The following SEMA3E variants were observed in gnomAD, a reference collection of about 807,000 sequenced individuals.
The protein encoded by SEMA3E is semaphorin-3E.
In SEMA3E, 49 loss-of-function variants were observed where a neutral mutation model predicts 93.6. The observed-to-expected ratio is 0.52, with a 90% CI of 0.42 to 0.66. The LOEUF is 0.66. Among genes scored for constraint, SEMA3E ranks in the 30% least tolerant of loss-of-function variants. The probability of loss-of-function intolerance (pLI) is 0.00; values close to 1 mark genes in which losing one functional copy is unlikely to be tolerated. For synonymous variants in SEMA3E, 363 were observed against 330.7 expected (o/e 1.10, Z -1.06); for missense variants, 906 against 964.8 (o/e 0.94, Z 0.81).
intron 1 of SEMA3E, among the ~76,000 whole-genome samples, chr7:83,591,898 A>G (rs1013341790): frequency 6.6e-6 from 1 of 152,016 alleles, no homozygotes; most frequent in Non-Finnish European, 1.5e-5. Context: ...ATTCACATCA[A>G]TTTTTCTATA....
chr7:83,477,959 T>G lies in SEMA3E; in HGVS notation c.277-8657A>C, dbSNP rs1380133957. Among the ~76,000 whole-genome samples, 5 of 151,914 alleles carry G rather than the reference T, an allele frequency of 3.3e-5. No homozygotes were observed. In the South Asian group the frequency reaches 1.0e-3, roughly 32 times the overall value. Reference sequence around the variant, plus strand: ...TTTTGAGACGGAGTTTCACTCTTATTGCTCAGGCTGGAGTGCAATGGCACA... The same window carrying G: ...TTTTGAGACGGAGTTTCACTCTTATGGCTCAGGCTGGAGTGCAATGGCACA... On this transcript the variant is annotated intron_variant, in intron 2 of 16. Transcript: ENST00000643230.
At chr7:83,386,125 T>G (rs907794280) in intron 15 of SEMA3E, among the ~76,000 whole-genome samples, 1 of 152,098 alleles carries the variant, frequency 6.6e-6, no homozygotes, top group African/African-American at 2.4e-5. Flanking sequence ...TTCCTATGCC[T>G]GAATCCTACT....
intron 2 of SEMA3E, among the ~76,000 whole-genome samples, chr7:83,481,150 A>T (rs1790137622): frequency 6.6e-6 from 1 of 152,150 alleles, no homozygotes; most frequent in Non-Finnish European, 1.5e-5. Context: ...TAAGAGACAA[A>T]TGCAGATGTG....
chr7:83,635,056 T>C (rs550388665), intron 1 of SEMA3E, among the ~76,000 whole-genome samples: 200 of 152,108 alleles, frequency 1.3e-3, no homozygotes, highest in Non-Finnish European at 2.4e-3. Flanking sequence ...AATATTCTAG[T>C]ACTCATTCTA....
At chr7:83,614,634 G>GTA (rs1193595801) in intron 1 of SEMA3E, among the ~76,000 whole-genome samples, 2 of 149,200 alleles carry the variant, frequency 1.3e-5, no homozygotes, top group African/African-American at 5.2e-5. Context: ...TCCAAAGTAG[G>GTA]TGTTCAAATG....
chr7:83,500,777 G>A (rs1790583429), intron 1 of SEMA3E, among the ~76,000 whole-genome samples: 1 of 151,842 alleles, frequency 6.6e-6, no homozygotes, highest in African/African-American at 2.4e-5. Flanking sequence ...ATTTGGTAGA[G>A]ATGGGGTTTC....
At chr7:83,625,459 C>T (rs1793651035) in intron 1 of SEMA3E, among the ~76,000 whole-genome samples, 1 of 152,014 alleles carries the variant, frequency 6.6e-6, no homozygotes, top group African/African-American at 2.4e-5. Flanking sequence ...AAGCTGTATT[C>T]CTATGTATTC....
chr7:83,455,739 A>C (rs899757835), intron 4 of SEMA3E, among the ~76,000 whole-genome samples: 7 of 152,238 alleles, frequency 4.6e-5, no homozygotes, highest in Admixed American at 3.9e-4. Context: ...CTGCTGGTCT[A>C]GAAGAAGTAT....
intron 1 of SEMA3E, among the ~76,000 whole-genome samples, chr7:83,610,836 G>A (rs903619312): frequency 2.0e-5 from 3 of 151,976 alleles, no homozygotes; most frequent in African/African-American, 7.2e-5. Flanking sequence ...CTAGATCTCA[G>A]GCTTACAGCC....
At chr7:83,415,012 TAA>T (rs1481186319) in intron 5 of SEMA3E, among the ~76,000 whole-genome samples, 1 of 152,034 alleles carries the variant, frequency 6.6e-6, no homozygotes, top group Non-Finnish European at 1.5e-5. Context: ...ATATAACTGA[TAA>T]AAAGAGTCAG....
At chr7:83,385,254 A>G in intron 16 of SEMA3E, 40 bp downstream of exon 16, 1 of 1,608,514 alleles carries the variant, frequency 6.2e-7, no homozygotes, top group Non-Finnish European at 8.5e-7. Context: ...CACACACTAT[A>G]TGCAAAATAC....
At chr7:83,536,711 G>A (rs1791416986) in intron 1 of SEMA3E, among the ~76,000 whole-genome samples, 1 of 152,016 alleles carries the variant, frequency 6.6e-6, no homozygotes, top group Non-Finnish European at 1.5e-5. Flanking sequence ...ACATAAAACA[G>A]CATTCTTAAT....
rs768939741 is a variant in SEMA3E, at chr7:83,379,543, T to C, written c.1875+5751A>G. ...TTTTCTACTTTTACTTTCTCTTTTT[T>C]AGTTTGTCTTCTAACTTTTCCTTAA... On this transcript the variant is annotated intron_variant, in intron 16 of 16. Coordinates refer to ENST00000643230, the MANE Select transcript of SEMA3E (RefSeq NM_012431.3). 1.9e-4 allele frequency among the ~76,000 whole-genome samples: 29 copies of C among 152,074 alleles called. No homozygotes were observed. In the South Asian group the frequency reaches 2.1e-3, roughly 11 times the overall value.
intron 14 of SEMA3E, among the ~76,000 whole-genome samples, chr7:83,388,320 A>T (rs993837309): frequency 3.8e-5 from 2 of 52,796 alleles, no homozygotes; most frequent in Non-Finnish European, 1.7e-4. Flanking sequence ...AAAATAAAAA[A>T]ATAAAAAAAA....
At chr7:83,483,966 C>T (rs1790200175) in intron 2 of SEMA3E, among the ~76,000 whole-genome samples, 1 of 152,218 alleles carries the variant, frequency 6.6e-6, no homozygotes, top group African/African-American at 2.4e-5. Flanking sequence ...AATACTTGGA[C>T]TCATACATCA....
chr7:83,407,070 C>A (rs757460362), intron 7 of SEMA3E, 27 bp downstream of exon 7: 1 of 1,612,596 alleles, frequency 6.2e-7, no homozygotes, highest in Admixed American at 1.7e-5. Flanking sequence ...GTGAGATAAG[C>A]AAGCATAATG....
chr7:83,628,962 G>T (rs1793729325), intron 1 of SEMA3E, among the ~76,000 whole-genome samples: 1 of 152,168 alleles, frequency 6.6e-6, no homozygotes, highest in Admixed American at 6.5e-5. Flanking sequence ...CCTTCAGATG[G>T]AGTTTTTGAG....
intron 1 of SEMA3E, among the ~76,000 whole-genome samples, chr7:83,602,507 C>A (rs1451966077): frequency 6.7e-6 from 1 of 149,578 alleles, no homozygotes; most frequent in African/African-American, 2.5e-5. Context: ...TTGAGACAGT[C>A]TTCCTCTGTC....
intron 4 of SEMA3E, among the ~76,000 whole-genome samples, chr7:83,452,800 C>T (rs1477740781): frequency 6.6e-6 from 1 of 152,074 alleles, no homozygotes; most frequent in Non-Finnish European, 1.5e-5. Flanking sequence ...GTTTTAAAAT[C>T]ACAAAAATAA....
Sources: gnomAD v4.1 joint callset for allele counts (sites outside exome capture counted in the v4.1 genomes callset) on GRCh38, gnomAD v4.1.1 for gene constraint, MANE v1.5 for transcripts, NCBI Gene and HGNC (gene_info 2026-07-23, HGNC 2026-07-21) for gene names.